The following MGST1 variants were observed in gnomAD, a reference collection of about 807,000 sequenced individuals.
MGST1 encodes glutathione S-transferase 12.
In MGST1, 5 loss-of-function variants were observed where a neutral mutation model predicts 8.9. That is an observed-to-expected ratio of 0.56 (90% CI 0.29 to 1.19). MGST1 has a LOEUF of 1.19. Among genes scored for constraint, MGST1 ranks in the 50% most tolerant of loss-of-function variants. The pLI is 0.08. For missense variants in MGST1, 182 were observed against 187.4 expected, an observed-to-expected ratio of 0.97 and a Z score of 0.17; for synonymous variants, 54 against 67.8, an observed-to-expected ratio of 0.80 and a Z score of 1.00.
intron 1 of MGST1, among the ~76,000 whole-genome samples, chr12:16,420,268 AT>A (rs1480475348): frequency 9.8e-5 from 15 of 152,302 alleles, no homozygotes; most frequent in Middle Eastern, 3.4e-3. Context: ...AAATGCACTA[AT>A]TGAAGATTCA....
downstream of MGST1, among the ~76,000 whole-genome samples, chr12:16,365,797 T>G (rs1341565899): frequency 6.6e-6 from 1 of 152,214 alleles, no homozygotes; most frequent in Non-Finnish European, 1.5e-5. Context: ...AACTGACTTA[T>G]GCTGTCTGAT....
At chr12:16,359,228 C>T (rs189042539) in intron 3 of MGST1, among the ~76,000 whole-genome samples, 189 of 152,268 alleles carry the variant, frequency 1.2e-3, no homozygotes, top group African/African-American at 4.3e-3. Context: ...CGTACCTGTA[C>T]CTCCTTCACG....
downstream of MGST1, among the ~76,000 whole-genome samples, chr12:16,590,264 G>A (rs190398399): frequency 1.2e-4 from 18 of 152,166 alleles, no homozygotes; most frequent in Admixed American, 1.2e-3. Flanking sequence ...ATTAAGGTTA[G>A]TGGGTTAGGT....
At chr12:16,539,713 G>T (rs1174037462) in intron 4 of MGST1, among the ~76,000 whole-genome samples, 1 of 152,150 alleles carries the variant, frequency 6.6e-6, no homozygotes, top group Non-Finnish European at 1.5e-5. Flanking sequence ...CCCCTGTGTT[G>T]TAAGTTTTAA....
chr12:16,518,263 CT>C (rs1230237993), intron 4 of MGST1, among the ~76,000 whole-genome samples: 7 of 152,150 alleles, frequency 4.6e-5, no homozygotes, highest in Admixed American at 4.6e-4. Context: ...AAGGTTGTCT[CT>C]GCCTTGGAGC....
At chr12:16,394,588 TC>T in intron 1 of MGST1, among the ~76,000 whole-genome samples, 1 of 149,326 alleles carries the variant, frequency 6.7e-6, no homozygotes, top group African/African-American at 2.5e-5. Context: ...TCTCTGTCTC[TC>T]TTTTTTCTTT....
At chr12:16,390,873 G>A (rs1940546221) in intron 1 of MGST1, among the ~76,000 whole-genome samples, 1 of 152,008 alleles carries the variant, frequency 6.6e-6, no homozygotes. Context: ...AGCTCTTTGA[G>A]GAAGCGCCAC....
chr12:16,479,535 C>CTTTTTTTTTTTTTTTTTTTTTTTTTTT (rs71054820), intron 4 of MGST1, among the ~76,000 whole-genome samples: 1 of 113,122 alleles, frequency 8.8e-6, no homozygotes, highest in African/African-American at 3.8e-5. Context: ...CGCCCGGCCT[C>CTTTTTTTTTTTTTTTTTTTTTTTTTTT]TTTTTTTTTT....
intron 4 of MGST1, among the ~76,000 whole-genome samples, chr12:16,531,004 T>C (rs1397201543): frequency 6.6e-6 from 1 of 151,902 alleles, no homozygotes; most frequent in Non-Finnish European, 1.5e-5. Context: ...GCACATTCAA[T>C]ATAACTCATA....
rs2239677 is a variant in MGST1, at chr12:16,347,746, A to G, written c.-23+36A>G. ...GGAGGGGAGAAGGGGACCGCATGCA[A>G]AGGGTGGCAGGCAGGGAGGGCCAGG... On this transcript the variant is annotated intron_variant, in intron 1 of 3. Coordinates refer to ENST00000396210, the MANE Select transcript of MGST1 (RefSeq NM_020300.5). This position sits in a 1 kb window ranked among gnomAD's most constrained non-coding sequence, Gnocchi z 4.0. 0.93 allele frequency: 142,014 copies of G among 152,670 alleles called. 66,390 individuals carry two copies. The highest frequency in any genetic ancestry group is 0.98 in the Non-Finnish European group (66,872 of 68,354). The allele number at this position is 152,670 out of a possible 1,614,324, so 9.5% of individuals were successfully genotyped here. A position where few individuals can be genotyped will look rare whatever the true frequency, so the allele number is the denominator to read the frequency against.
downstream of MGST1, among the ~76,000 whole-genome samples, chr12:16,379,918 G>T (rs1279973159): frequency 1.3e-5 from 2 of 152,140 alleles, no homozygotes; most frequent in Admixed American, 6.6e-5. Flanking sequence ...CTTCTAGATT[G>T]TCTAGTTTAT....
At chr12:16,358,067 G>T (rs1281570245) in intron 3 of MGST1, among the ~76,000 whole-genome samples, 1 of 152,148 alleles carries the variant, frequency 6.6e-6, no homozygotes, top group African/African-American at 2.4e-5. Flanking sequence ...AGGTATTTTT[G>T]CATAAGATTC....
In MGST1 at chr12:16,513,038, A is replaced by G. The variant is rs1426673991; in HGVS notation, n.483-76490A>G. On this transcript the variant is annotated intron_variant and non_coding_transcript_variant, in intron 4 of 4. Transcript: ENST00000538857. The surrounding 1 kb of genome is among the most constrained non-coding windows in gnomAD (Gnocchi z 4.2). ...TTGTAACTAATCTACTTTTCCTCCC[A>G]GTGTACAAATAAAGATTAAAATTCT... is the stretch of plus-strand genomic sequence containing the variant. Among the ~76,000 whole-genome samples, 1 of 152,226 alleles carries G rather than the reference A, an allele frequency of 6.6e-6. No individual in the cohort carries two copies. Among genetic ancestry groups the G allele is most frequent in the Non-Finnish European group, 1.5e-5 (1 of 68,034 alleles).
chr12:16,589,887 T>C (rs1436378460), downstream of MGST1, among the ~76,000 whole-genome samples: 1 of 152,114 alleles, frequency 6.6e-6, no homozygotes, highest in Non-Finnish European at 1.5e-5. This position sits in a 1 kb window ranked among gnomAD's most constrained non-coding sequence, Gnocchi z 4.2. Context: ...TTAAGCCTCG[T>C]AAAGCTCTCT....
chr12:16,451,223 A>C (rs1275195456), intron 4 of MGST1, among the ~76,000 whole-genome samples: 2 of 151,900 alleles, frequency 1.3e-5, no homozygotes, highest in Non-Finnish European at 2.9e-5. Flanking sequence ...GCAATCAAAC[A>C]ATTTATTTTC....
At chr12:16,424,225 G>T (rs971767936) in intron 1 of MGST1, among the ~76,000 whole-genome samples, 1 of 152,224 alleles carries the variant, frequency 6.6e-6, no homozygotes, top group African/African-American at 2.4e-5. Flanking sequence ...GATATAGTGT[G>T]TGCTTGCACA....
In MGST1 at chr12:16,560,122, A is replaced by G. The variant is rs1363454145; in HGVS notation, n.483-29406A>G. 6.6e-6 allele frequency among the ~76,000 whole-genome samples: 1 copy of G among 152,236 alleles called. No homozygotes were observed. The highest frequency in any genetic ancestry group is 2.4e-5 in the African/African-American group (1 of 41,474). On this transcript the variant is annotated intron_variant and non_coding_transcript_variant, in intron 4 of 4. Transcript: ENST00000538857. This position sits in a 1 kb window ranked among gnomAD's most constrained non-coding sequence, Gnocchi z 5.0. ...GTAGATATTTAAAACTACTTTTAAA[A>G]AGACAGGAAAATAATAAAAGAAGGA...
chr12:16,533,709 G>T (rs577924822), intron 4 of MGST1, among the ~76,000 whole-genome samples: 1 of 127,652 alleles, frequency 7.8e-6, no homozygotes, highest in South Asian at 3.0e-4. Flanking sequence ...GGCACTTACA[G>T]TCTAGTGGGG....
intron 4 of MGST1, among the ~76,000 whole-genome samples, chr12:16,520,899 G>A (rs992998556): frequency 6.6e-6 from 1 of 152,070 alleles, no homozygotes; most frequent in African/African-American, 2.4e-5. Flanking sequence ...TCTTCTTATG[G>A]AGGCTGTCAT....
Sources: allele counts gnomAD v4.1 joint callset (sites outside exome capture counted in the v4.1 genomes callset), GRCh38; gene constraint gnomAD v4.1.1; non-coding constraint Gnocchi (gnomAD v3.1); transcripts MANE v1.5; gene names NCBI Gene and HGNC (gene_info 2026-07-23, HGNC 2026-07-21).